PDE4D: variants seen among roughly 807,000 people sequenced by gnomAD.
PDE4D encodes the protein phosphodiesterase 4D, also known as 3',5'-cyclic-AMP phosphodiesterase 4D.
Under a neutral mutation model 87.4 loss-of-function variants are expected in PDE4D, and 24 were observed. That is an observed-to-expected ratio of 0.27 (90% CI 0.20 to 0.39). PDE4D has a LOEUF of 0.39. Ranked by LOEUF, PDE4D falls within the 10% of genes least tolerant of loss-of-function variation. The probability of loss-of-function intolerance (pLI) is 1.00; values close to 1 mark genes in which losing one functional copy is unlikely to be tolerated. For synonymous variants in PDE4D, 384 were observed against 383.2 expected (o/e 1.00, Z -0.02); for missense variants, 714 against 1,041.0 (o/e 0.69, Z 4.32).
At chr5:59,269,103 GAA>G (rs369038626) in intron 1 of PDE4D, among the ~76,000 whole-genome samples, 1 of 146,720 alleles carries the variant, frequency 6.8e-6, no homozygotes, top group Non-Finnish European at 1.5e-5. Context: ...CCGTGGGGAA[GAA>G]AAAAAAAAGA....
chr5:60,204,595 T>C (rs998708619), intron 1 of PDE4D, among the ~76,000 whole-genome samples: 2 of 152,252 alleles, frequency 1.3e-5, no homozygotes, highest in Admixed American at 6.5e-5. Flanking sequence ...AAATCTAAGA[T>C]AATCACATGA....
intron 5 of PDE4D, among the ~76,000 whole-genome samples, chr5:59,103,984 A>G (rs533884271): frequency 6.6e-5 from 10 of 152,338 alleles, no homozygotes; most frequent in South Asian, 6.2e-4. Context: ...GAATGATAAT[A>G]TCTACTATAC....
intron 1 of PDE4D, among the ~76,000 whole-genome samples, chr5:60,389,091 G>C (rs1306712157): frequency 2.0e-5 from 3 of 152,064 alleles, no homozygotes; most frequent in Non-Finnish European, 2.9e-5. Flanking sequence ...ATATAGAGAG[G>C]TTTTACACTT....
At chr5:59,785,065 T>G (rs1765030676) in intron 1 of PDE4D, among the ~76,000 whole-genome samples, 1 of 152,184 alleles carries the variant, frequency 6.6e-6, no homozygotes. Flanking sequence ...TTATCAGCAA[T>G]GTGAGAATGA....
At chr5:58,985,980 C>T in intron 11 of PDE4D, among the ~76,000 whole-genome samples, 1 of 152,164 alleles carries the variant, frequency 6.6e-6, no homozygotes, top group East Asian at 1.9e-4. Flanking sequence ...GGATACTTTC[C>T]TGTACAAAGT....
chr5:60,170,908 C>A (rs1348746645), intron 2 of PDE4D, among the ~76,000 whole-genome samples: 3 of 151,902 alleles, frequency 2.0e-5, no homozygotes, highest in African/African-American at 4.8e-5. Context: ...AAATGGTAAA[C>A]CATAAAATCT....
At chr5:59,214,928 C>T (rs1194177375) in intron 2 of PDE4D, among the ~76,000 whole-genome samples, 1 of 152,056 alleles carries the variant, frequency 6.6e-6, no homozygotes, top group Non-Finnish European at 1.5e-5. Context: ...TAAATTGCAG[C>T]CTGTTATGAG....
chr5:59,188,137 A>AGGG (rs1743349884), intron 3 of PDE4D, among the ~76,000 whole-genome samples: 3 of 152,130 alleles, frequency 2.0e-5, no homozygotes, highest in Non-Finnish European at 4.4e-5. Flanking sequence ...CGACTCTTTA[A>AGGG]GAACTGTAGT....
At chr5:59,875,129 C>T (rs910641092) in intron 1 of PDE4D, among the ~76,000 whole-genome samples, 18 of 152,136 alleles carry the variant, frequency 1.2e-4, no homozygotes, top group Non-Finnish European at 2.4e-4. Flanking sequence ...CCAAGATAAA[C>T]TGTCCTTTGT....
Position 59,659,577 on chromosome 5 carries a change from T to C in PDE4D, c.455+233591A>G, listed in dbSNP as rs112917884. ...ATTAGGAGTCTTCGTAGGTAAGAAGTCTTAAGGACAGTCTATTCAAAAATG... is the reference window on the plus strand; with the variant it reads ...ATTAGGAGTCTTCGTAGGTAAGAAGCCTTAAGGACAGTCTATTCAAAAATG... On this transcript the variant is annotated intron_variant, in intron 1 of 14. Coordinates refer to ENST00000340635, the MANE Select transcript of PDE4D (RefSeq NM_001104631.2). Among the ~76,000 whole-genome samples, 458 of 152,372 alleles carry C rather than the reference T, an allele frequency of 3.0e-3. 3 individuals carry two copies. The highest frequency in any genetic ancestry group is 0.011 in the African/African-American group (443 of 41,586).
At chr5:60,149,175 C>G (rs1341551210) in intron 2 of PDE4D, among the ~76,000 whole-genome samples, 1 of 152,144 alleles carries the variant, frequency 6.6e-6, no homozygotes, top group South Asian at 2.1e-4. Context: ...AGTCCACTTT[C>G]TGTTGCTATA....
chr5:59,034,107 A>G (rs1384355480), intron 6 of PDE4D, among the ~76,000 whole-genome samples: 1 of 152,130 alleles, frequency 6.6e-6, no homozygotes, highest in Non-Finnish European at 1.5e-5. Context: ...TTTTTCTAAC[A>G]GTGATTATAG....
chr5:59,937,736 G>C (rs1347402), intron 3 of PDE4D, among the ~76,000 whole-genome samples: 4,570 of 152,210 alleles, frequency 0.03, 238 homozygotes, highest in African/African-American at 0.11. Context: ...TTTGAATTTG[G>C]GGGGAACACA....
intron 1 of PDE4D, among the ~76,000 whole-genome samples, chr5:59,686,652 A>C (rs1374679975): frequency 6.6e-6 from 1 of 152,200 alleles, no homozygotes; most frequent in African/African-American, 2.4e-5. Flanking sequence ...AATGTCACTG[A>C]TATTTAATAA....
chr5:59,496,043 C>T (rs1296333967), intron 1 of PDE4D, among the ~76,000 whole-genome samples: 1 of 152,092 alleles, frequency 6.6e-6, no homozygotes, highest in African/African-American at 2.4e-5. Context: ...TTGAATCACA[C>T]CTGGGCTTGG....
intron 1 of PDE4D, among the ~76,000 whole-genome samples, chr5:59,289,232 C>G (rs1030520817): frequency 2.6e-5 from 4 of 152,074 alleles, no homozygotes; most frequent in African/African-American, 9.6e-5. Context: ...TATTGGTTTT[C>G]CCTTTGCTTG....
At chr5:59,758,163 A>T (rs1761515677) in intron 1 of PDE4D, among the ~76,000 whole-genome samples, 1 of 152,164 alleles carries the variant, frequency 6.6e-6, no homozygotes, top group Non-Finnish European at 1.5e-5. Flanking sequence ...TTTTAATGCT[A>T]TTGGTTTCAT....
rs35918845 is a variant in PDE4D at position 60,426,528 on chromosome 5, T to TG, written c.-90+61413dup. 0.016 allele frequency among the ~76,000 whole-genome samples: 2,335 copies of TG among 149,750 alleles called. 127 individuals are homozygous for TG. In the East Asian group the frequency reaches 0.19, roughly 12 times the overall value. On this transcript the variant is annotated intron_variant, in intron 1 of 16. Transcript: ENST00000502484. ...GCGAACATCACACACCAGGGCCTGT[T>TG]GGGGGGTGTGGGGGGTGGGGGATGG...
chr5:60,414,916 T>A (rs1482501522), intron 1 of PDE4D, among the ~76,000 whole-genome samples: 2 of 152,210 alleles, frequency 1.3e-5, no homozygotes, highest in Admixed American at 6.5e-5. Context: ...CGTTTTAAAA[T>A]CTCTCCTTGG....
Sources: gnomAD v4.1 joint callset for allele counts (sites outside exome capture counted in the v4.1 genomes callset) on GRCh38, gnomAD v4.1.1 for gene constraint, MANE v1.5 for transcripts, NCBI Gene and HGNC (gene_info 2026-07-23, HGNC 2026-07-21) for gene names.